Variants in FAM98B observed in about 807,000 individuals in gnomAD.
FAM98B encodes the protein tRNA-splicing ligase complex subunit FAM98B.
In FAM98B, 32 loss-of-function variants were observed where a neutral mutation model predicts 43.9. That is an observed-to-expected ratio of 0.73 (90% CI 0.55 to 0.98). The LOEUF is 0.98. FAM98B is among the 50% of genes least tolerant of loss of function. The pLI, the probability that FAM98B is intolerant of heterozygous loss-of-function variation, is 0.00. For synonymous variants in FAM98B, 190 were observed against 174.0 expected, an observed-to-expected ratio of 1.09 and a Z score of -0.72; for missense variants, 514 against 522.9, an observed-to-expected ratio of 0.98 and a Z score of 0.17.
At chr15:38,474,332 G>A in intron 6 of FAM98B, 34 bp downstream of exon 6, 1 of 1,460,170 alleles carries the variant, frequency 6.8e-7, no homozygotes, top group Non-Finnish European at 9.6e-7. Context: ...TCCTGTAGGT[G>A]GTAGCCTATA....
chr15:38,473,413 T>C lies in FAM98B; in HGVS notation c.532-92T>C. 2.5e-6 allele frequency: 2 copies of C among 799,788 alleles called. 1 individual carries two copies. The highest frequency in any genetic ancestry group is 3.9e-5 in the South Asian group (2 of 51,562). 49.5% of individuals were successfully genotyped at this position (799,788 alleles called of 1,614,324 possible). A position where few individuals can be genotyped will look rare whatever the true frequency, so the allele number is the denominator to read the frequency against. On this transcript the variant is annotated intron_variant, in intron 4 of 7. Coordinates refer to ENST00000397609, the MANE Select transcript of FAM98B (RefSeq NM_173611.4). ...TAATTATGTCACTTTAATATTTTAT[T>C]CTGTAGTGTTCAGAGCGATACTTTA...
At chr15:38,474,833 C>G (rs946161592) in intron 6 of FAM98B, among the ~76,000 whole-genome samples, 1 of 152,056 alleles carries the variant, frequency 6.6e-6, no homozygotes, top group African/African-American at 2.4e-5. Context: ...CACTCCTCAC[C>G]CCCGCTCTCC....
intron 3 of FAM98B, among the ~76,000 whole-genome samples, chr15:38,468,178 C>T (rs1209732865): frequency 6.6e-6 from 1 of 152,104 alleles, no homozygotes; most frequent in African/African-American, 2.4e-5. Flanking sequence ...AGACTTCAGC[C>T]AAGGTTCTGT....
At chr15:38,477,075 A>C (rs1008401596) in intron 6 of FAM98B, among the ~76,000 whole-genome samples, 1 of 151,686 alleles carries the variant, frequency 6.6e-6, no homozygotes, top group Non-Finnish European at 1.5e-5. Context: ...AGCTGGGAGG[A>C]TTACTTGAGG....
intron 7 of FAM98B, chr15:38,482,143 T>C (rs1312079754): frequency 2.0e-5 from 3 of 152,964 alleles, no homozygotes; most frequent in Non-Finnish European, 4.4e-5. Context: ...TGGATAATTT[T>C]AAAGCATCGC....
intron 4 of FAM98B, among the ~76,000 whole-genome samples, chr15:38,471,779 T>C (rs1461529282): frequency 6.6e-6 from 1 of 152,184 alleles, no homozygotes; most frequent in East Asian, 1.9e-4. Flanking sequence ...CTTCAAGTTG[T>C]TCAAATGTGT....
At chr15:38,463,602 C>CT (rs1889984396) in intron 1 of FAM98B, among the ~76,000 whole-genome samples, 1 of 151,656 alleles carries the variant, frequency 6.6e-6, no homozygotes, top group South Asian at 2.1e-4. Flanking sequence ...TCAACTTTAG[C>CT]TTTTTTAAAT....
Position 38,484,277 on chromosome 15 carries a change from A to T in FAM98B, c.920A>T (p.Asp307Val). 6.5e-7 allele frequency: 1 copy of T among 1,550,116 alleles called. No individual in the cohort carries two copies. Among genetic ancestry groups the T allele is most frequent in the Non-Finnish European group, 8.7e-7 (1 of 1,147,096 alleles). ...CAGGTGCTGATGGGAAGGGTGCCTG[A>T]CAGGGGAGGCCGGCCGAATGAAATT... is the stretch of plus-strand genomic sequence containing the variant. ...INKVLMGRVPDRGGRPNEIEP... is the reference protein window; with the variant it reads ...INKVLMGRVPVRGGRPNEIEP... The change falls in exon 8 of 8, where the codon GAC (aspartate) becomes GTC (valine). Residue 307 changes from aspartate to valine, a missense_variant. Physicochemically the swap from Asp to Val is radical, Grantham distance 152. This residue lies in a region of FAM98B where 469 missense variants were observed against 451.8 expected (regional missense o/e 1.04). Coordinates refer to ENST00000397609, the MANE Select transcript of FAM98B (RefSeq NM_173611.4).
intron 2 of FAM98B, 52 bp from the exon 3 acceptor site, chr15:38,465,217 G>A (rs1223194460): frequency 6.5e-7 from 1 of 1,538,544 alleles, no homozygotes; most frequent in Non-Finnish European, 8.8e-7. Context: ...TTATAGTATT[G>A]GATTATATGG....
intron 5 of FAM98B, 23 bp from the exon 6 acceptor site, chr15:38,474,159 A>C (rs779209212): frequency 6.5e-7 from 1 of 1,539,374 alleles, no homozygotes; most frequent in Non-Finnish European, 9.0e-7. Flanking sequence ...AAAGTTTATT[A>C]TTTTTGTTTC....
chr15:38,468,867 G>A (rs11633505), intron 3 of FAM98B, among the ~76,000 whole-genome samples: 7 of 152,090 alleles, frequency 4.6e-5, no homozygotes, highest in South Asian at 2.1e-4. Context: ...AAATTGTGGC[G>A]TTTGTGTCTA....
chr15:38,455,423 C>G (rs947157018), intron 1 of FAM98B, among the ~76,000 whole-genome samples: 2 of 151,852 alleles, frequency 1.3e-5, no homozygotes, highest in Admixed American at 6.6e-5. Flanking sequence ...TTCTCTAAAA[C>G]TGCATTTGCC....
rs570175765 is a variant in FAM98B, at chr15:38,463,631, CT to C, written c.72-395del. ...TTTAAATTTGTAATTTGTGTCTGTG[CT>C]TTTTTCACCATATTTTTATTGTAAT... On this transcript the variant is annotated intron_variant, in intron 1 of 7. Coordinates refer to ENST00000397609, the MANE Select transcript of FAM98B (RefSeq NM_173611.4). Among the ~76,000 whole-genome samples the C allele has an allele frequency of 5.4e-3, 815 of 151,708 alleles. 10 individuals carry two copies. The highest frequency in any genetic ancestry group is 0.019 in the African/African-American group (769 of 41,366).
At chr15:38,468,483 A>C (rs1186363618) in intron 3 of FAM98B, among the ~76,000 whole-genome samples, 1 of 152,184 alleles carries the variant, frequency 6.6e-6, no homozygotes, top group African/African-American at 2.4e-5. Flanking sequence ...TTAGCCTCCC[A>C]AAATACTGGG....
chr15:38,484,439 G>GT lies in FAM98B; in HGVS notation c.1083dup (p.Gly362TrpfsTer23). ...GGGGGTGGGAGAGGTGGCTGGGGGG[G>GT]TGGAGGAGGAGGTTGGGGAGGTGGT... On this transcript the variant is annotated frameshift_variant, in exon 8 of 8. Transcript: ENST00000397609. LOFTEE classifies it low-confidence loss of function (END_TRUNC). The GT allele has an allele frequency of 1.1e-6, 1 of 907,652 alleles. No homozygotes were observed. The highest frequency in any genetic ancestry group is 1.3e-6 in the Non-Finnish European group (1 of 755,236). 56.2% of individuals were successfully genotyped at this position (907,652 alleles called of 1,614,324 possible). A position where few individuals can be genotyped will look rare whatever the true frequency, so the allele number is the denominator to read the frequency against.
chr15:38,472,688 C>T (rs1256777928), intron 4 of FAM98B, among the ~76,000 whole-genome samples: 2 of 152,054 alleles, frequency 1.3e-5, no homozygotes, highest in Non-Finnish European at 2.9e-5. Flanking sequence ...ACCCCAGCTT[C>T]CAAGCTAATT....
chr15:38,473,585 G>A lies in FAM98B; in HGVS notation c.612G>A (p.Ala204=), dbSNP rs766223410. 7.4e-5 allele frequency: 118 copies of A among 1,601,576 alleles called. No individual in the cohort carries two copies. The highest frequency in any genetic ancestry group is 9.1e-5 in the Non-Finnish European group (107 of 1,174,576). The part of the protein sequence containing the change: ...LLKMDLNSEQ[A]EQLERINDAL... ...AAATGGATTTAAATTCAGAACAGGC[G>A]GTAAATCCCCCTTTTTGTTATTAGT... Residue 204 remains alanine (A), a splice_region_variant and synonymous_variant, in exon 5 of 8, where the codon GCG becomes GCA. Transcript: ENST00000397609.
intron 3 of FAM98B, among the ~76,000 whole-genome samples, chr15:38,465,786 C>G (rs533405709): frequency 6.6e-6 from 1 of 152,204 alleles, no homozygotes; most frequent in South Asian, 2.1e-4. Flanking sequence ...ATCACTTACT[C>G]TAACACCAAG....
Position 38,484,253 on chromosome 15 carries a change from AGGTGCTGATGGGAAG to A in FAM98B, c.902_916del (p.Leu301_Val305del). Reference sequence around the variant, plus strand: ...ACTAAAAGAAAATGTTTCTTCACACAGGTGCTGATGGGAAGGGTGCCTGACAGGGGAGGCCGGCCG... The same window carrying A: ...ACTAAAAGAAAATGTTTCTTCACACAGGTGCCTGACAGGGGAGGCCGGCCG... On this transcript the variant is annotated splice_acceptor_variant and coding_sequence_variant, in exon 8 of 8. Coordinates refer to ENST00000397609, the MANE Select transcript of FAM98B (RefSeq NM_173611.4). LOFTEE classifies it high-confidence loss of function. The A allele has an allele frequency of 6.5e-7, 1 of 1,547,862 alleles. No homozygotes were observed. The highest frequency in any genetic ancestry group is 2.5e-5 in the East Asian group (1 of 40,750).
Sources: allele counts gnomAD v4.1 joint callset (sites outside exome capture counted in the v4.1 genomes callset), GRCh38; gene constraint gnomAD v4.1.1; regional missense constraint gnomAD v4.1.1; transcripts MANE v1.5; gene names NCBI Gene and HGNC (gene_info 2026-07-23, HGNC 2026-07-21).